The following DLGAP2 variants were observed in gnomAD, a reference collection of about 807,000 sequenced individuals.
DLGAP2 encodes the protein disks large-associated protein 2.
Under a neutral mutation model 100.3 loss-of-function variants are expected in DLGAP2, and 26 were observed. The ratio of observed to expected loss-of-function variants is 0.26; its 90% confidence interval spans 0.19 to 0.36. The LOEUF is 0.36. Ranked by LOEUF, DLGAP2 falls within the 10% of genes least tolerant of loss-of-function variation. The pLI is 1.00. For missense variants in DLGAP2, 1,858 were observed against 1,453.2 expected (o/e 1.28, Z -4.53); for synonymous variants, 886 against 630.1 (o/e 1.41, Z -6.08).
intron 1 of DLGAP2, among the ~76,000 whole-genome samples, chr8:899,172 C>A (rs140309939): frequency 1.0e-3 from 155 of 152,354 alleles, no homozygotes; most frequent in African/African-American, 3.6e-3. Flanking sequence ...TGGATGGTTC[C>A]TCTCTCCAAC....
chr8:855,533 T>C (rs1012024404), intron 1 of DLGAP2, among the ~76,000 whole-genome samples: 1 of 152,150 alleles, frequency 6.6e-6, no homozygotes, highest in Non-Finnish European at 1.5e-5. Flanking sequence ...GCACCACGTG[T>C]CACACAGACA....
chr8:1,676,351 G>A (rs1798810743), intron 10 of DLGAP2, among the ~76,000 whole-genome samples, 182 bp from the exon 11 acceptor site: 1 of 152,218 alleles, frequency 6.6e-6, no homozygotes, highest in Non-Finnish European at 1.5e-5. Context: ...AGACGCAGGA[G>A]TGATGTAATT....
At chr8:881,604 G>T (rs564087686) in intron 1 of DLGAP2, among the ~76,000 whole-genome samples, 1 of 140,278 alleles carries the variant, frequency 7.1e-6, no homozygotes, top group Middle Eastern at 3.9e-3. Flanking sequence ...GGTTCAAGCA[G>T]TTCTCCTGCC....
chr8:1,364,006 C>T (rs1194771133), intron 3 of DLGAP2, among the ~76,000 whole-genome samples: 1 of 152,192 alleles, frequency 6.6e-6, no homozygotes, highest in African/African-American at 2.4e-5. Context: ...GTCAGGTGCA[C>T]CAGGTGGTAC....
intron 1 of DLGAP2, among the ~76,000 whole-genome samples, chr8:851,535 A>G (rs1215075154): frequency 6.6e-6 from 1 of 152,140 alleles, no homozygotes; most frequent in African/African-American, 2.4e-5. Context: ...ATTTCAGTAT[A>G]ATTTTTTGTG....
Position 1,260,943 on chromosome 8 carries a change from A to T in DLGAP2, c.106+2060A>T, listed in dbSNP as rs544097140. On this transcript the variant is annotated intron_variant, in intron 3 of 14. Coordinates refer to ENST00000637795, the MANE Select transcript of DLGAP2 (RefSeq NM_001346810.2). ...CGTGGTCCTGGACAATCCCAGGGTC[A>T]CTTCCCCTGGGCACCTGCCTTTGGC... 8.5e-5 allele frequency among the ~76,000 whole-genome samples: 13 copies of T among 152,318 alleles called. No homozygotes were observed. The South Asian group carries it at 2.7e-3, about 32-fold the overall frequency.
At chr8:1,563,120 G>A (rs548256866) in intron 5 of DLGAP2, among the ~76,000 whole-genome samples, 98 of 65,150 alleles carry the variant, frequency 1.5e-3, no homozygotes, top group African/African-American at 5.8e-3. Context: ...GGGTGTCCGC[G>A]CCTCATTGCT....
intron 6 of DLGAP2, among the ~76,000 whole-genome samples, chr8:1,573,245 G>A (rs1430227907): frequency 1.1e-4 from 13 of 122,808 alleles, no homozygotes; most frequent in East Asian, 5.9e-4. Context: ...CTGGAGGGGC[G>A]TCTTCTGGGA....
chr8:943,922 A>T (rs1195043814), intron 2 of DLGAP2, among the ~76,000 whole-genome samples: 2 of 152,264 alleles, frequency 1.3e-5, no homozygotes, highest in African/African-American at 4.8e-5. Context: ...TCTCTCATAG[A>T]TAAGATTTGA....
At chr8:779,375 A>G (rs1050362424) in intron 1 of DLGAP2, among the ~76,000 whole-genome samples, 2 of 151,252 alleles carry the variant, frequency 1.3e-5, no homozygotes, top group Non-Finnish European at 2.9e-5. Flanking sequence ...CCTGTGAATC[A>G]CTTCTTTATT....
chr8:988,592 T>A (rs1324253486), intron 2 of DLGAP2, among the ~76,000 whole-genome samples: 1 of 152,162 alleles, frequency 6.6e-6, no homozygotes, highest in Non-Finnish European at 1.5e-5. Flanking sequence ...GGCCTCAGCC[T>A]CCTCCCTTCC....
chr8:1,203,414 C>G (rs73670670), intron 2 of DLGAP2, among the ~76,000 whole-genome samples: 3,369 of 135,528 alleles, frequency 0.025, 468 homozygotes, highest in African/African-American at 0.055. Flanking sequence ...GTGTTAGAAC[C>G]CATGAGACTG....
At chr8:1,364,065 G>A (rs1216526639) in intron 3 of DLGAP2, among the ~76,000 whole-genome samples, 2 of 152,148 alleles carry the variant, frequency 1.3e-5, no homozygotes, top group Non-Finnish European at 1.5e-5. Flanking sequence ...CCTCACTCCT[G>A]CCGCCTTCAG....
intron 3 of DLGAP2, among the ~76,000 whole-genome samples, chr8:1,317,927 T>A (rs377550843): frequency 1.3e-5 from 1 of 74,804 alleles, no homozygotes; most frequent in South Asian, 4.4e-4. Context: ...GAGACACTCG[T>A]CAGCGTTTAA....
At chr8:1,262,655 G>C (rs952677562) in intron 3 of DLGAP2, 1 of 152,252 alleles carries the variant, frequency 6.6e-6, no homozygotes, top group East Asian at 1.9e-4. Flanking sequence ...AGTGATTCCT[G>C]TTACCTTTTA....
intron 1 of DLGAP2, among the ~76,000 whole-genome samples, chr8:904,643 C>G (rs1798337557): frequency 6.6e-6 from 1 of 152,156 alleles, no homozygotes; most frequent in Admixed American, 6.5e-5. Flanking sequence ...CAGGCTGATG[C>G]CACGGAGGGG....
chr8:1,455,694 C>G (rs544177834), intron 3 of DLGAP2, among the ~76,000 whole-genome samples: 1 of 152,158 alleles, frequency 6.6e-6, no homozygotes, highest in African/African-American at 2.4e-5. Flanking sequence ...TTAAGCGTCA[C>G]ATCCACGCCC....
chr8:936,237 C>G (rs1799068151), intron 2 of DLGAP2, among the ~76,000 whole-genome samples: 1 of 152,164 alleles, frequency 6.6e-6, no homozygotes, highest in East Asian at 1.9e-4. Context: ...CCAGAGCAAG[C>G]AGCCTTGACT....
At chr8:1,675,461 G>A (rs564270988) in intron 10 of DLGAP2, among the ~76,000 whole-genome samples, 1 of 152,326 alleles carries the variant, frequency 6.6e-6, no homozygotes, top group East Asian at 1.9e-4. Context: ...CACCAAATAA[G>A]TCTTCGCTGT....
Sources: gnomAD v4.1 joint callset for allele counts (sites outside exome capture counted in the v4.1 genomes callset) on GRCh38, gnomAD v4.1.1 for gene constraint, MANE v1.5 for transcripts, NCBI Gene and HGNC (gene_info 2026-07-23, HGNC 2026-07-21) for gene names.